Variants in TG observed in about 807,000 individuals in gnomAD.
TG encodes the protein thyroid hormones.
TG carries 270 observed loss-of-function variants against 324.7 expected under a neutral mutation model. That is an observed-to-expected ratio of 0.83 (90% CI 0.75 to 0.92). The LOEUF (loss-of-function observed/expected upper bound fraction) is 0.92. Ranked by LOEUF, TG falls within the 40% of genes least tolerant of loss-of-function variation. TG has a pLI of 0.00. For missense variants in TG, 3,591 were observed against 3,456.4 expected, an observed-to-expected ratio of 1.04 and a Z score of -0.98; for synonymous variants, 1,401 against 1,327.0, an observed-to-expected ratio of 1.06 and a Z score of -1.21.
rs146689495 is a variant in TG at position 132,922,004 on chromosome 8, T to G, written c.4529-1334T>G. On this transcript the variant is annotated intron_variant, in intron 21 of 47. Coordinates refer to ENST00000220616, the MANE Select transcript of TG (RefSeq NM_003235.5). ...GGAGAACCAAATGAAGGCATTCCCT[T>G]TTAATATCATTCATCCAAAATTTAT... Among the ~76,000 whole-genome samples the G allele has an allele frequency of 4.1e-3, 632 of 152,346 alleles. 4 individuals carry two copies. Among genetic ancestry groups the G allele is most frequent in the Middle Eastern group, 0.02 (6 of 294 alleles).
At chr8:133,015,026 T>A (rs1341246764) in intron 37 of TG, among the ~76,000 whole-genome samples, 1 of 152,168 alleles carries the variant, frequency 6.6e-6, no homozygotes, top group African/African-American at 2.4e-5. Flanking sequence ...GTGCATGCCA[T>A]GATGCCCAGC....
chr8:133,094,965 ATGTG>A, intron 41 of TG, 75 bp from the exon 42 acceptor site: 1 of 1,589,962 alleles, frequency 6.3e-7, no homozygotes, highest in Non-Finnish European at 8.6e-7. Context: ...CAGAACCCTG[ATGTG>A]GCACTGAGGA....
chr8:132,902,687 G>C (rs955204936), intron 16 of TG, among the ~76,000 whole-genome samples: 13 of 152,172 alleles, frequency 8.5e-5, no homozygotes, highest in African/African-American at 3.1e-4. Flanking sequence ...AGAAGTGAAG[G>C]GTCCACCTTA....
At chr8:132,966,168 G>A (rs1828531864) in intron 29 of TG, among the ~76,000 whole-genome samples, 1 of 152,158 alleles carries the variant, frequency 6.6e-6, no homozygotes, top group Non-Finnish European at 1.5e-5. Flanking sequence ...ATGATGGAGT[G>A]GGCTGCTGTG....
intron 41 of TG, chr8:133,040,237 G>C (rs1424925707): frequency 4.0e-6 from 5 of 1,258,598 alleles, no homozygotes; most frequent in South Asian, 1.4e-5. Flanking sequence ...TGCTGCCATG[G>C]GGAACTGGGC....
At chr8:132,884,400 CT>C (rs1815098547) in intron 8 of TG, among the ~76,000 whole-genome samples, 1 of 152,190 alleles carries the variant, frequency 6.6e-6, no homozygotes, top group African/African-American at 2.4e-5. Context: ...AGGCTTCCAA[CT>C]TGGGGAAGCT....
At chr8:133,124,814 A>G (rs545766591) in intron 45 of TG, among the ~76,000 whole-genome samples, 1 of 152,340 alleles carries the variant, frequency 6.6e-6, no homozygotes, top group Non-Finnish European at 1.5e-5. Context: ...CATTTTGTAC[A>G]CCACTACACT....
Position 132,971,682 on chromosome 8 carries a change from G to T in TG, c.5976-112G>T. ...AAAGCACCCCCAGTTTAAGTAGGGGGTAAAAAAATAAGCTAGTTCCCCAAA... is the reference window on the plus strand; with the variant it reads ...AAAGCACCCCCAGTTTAAGTAGGGGTTAAAAAAATAAGCTAGTTCCCCAAA... On this transcript the variant is annotated intron_variant, in intron 32 of 47. Coordinates refer to ENST00000220616, the MANE Select transcript of TG (RefSeq NM_003235.5). 6 of 765,818 alleles carry T rather than the reference G, an allele frequency of 7.8e-6. No homozygotes were observed. The South Asian group carries it at 8.5e-5, about 11-fold the overall frequency. The allele number at this position is 765,818 out of a possible 1,614,324, so 47.4% of individuals were successfully genotyped here.
rs780552109 is a variant in TG, at chr8:133,047,806, A to AAAGATGAG, written c.7239+17784_7239+17791dup. On this transcript the variant is annotated intron_variant, in intron 41 of 47. Coordinates refer to ENST00000220616, the MANE Select transcript of TG (RefSeq NM_003235.5). ...ACATGCTTGTCTGCCCCGGATGGGG[A>AAAGATGAG]AAGATGAGTTGGGGGCCACTCACCT... 6.0e-5 allele frequency: 78 copies of AAAGATGAG among 1,291,372 alleles called. 1 individual carries two copies. The Admixed American group carries it at 1.3e-3, about 21-fold the overall frequency. The allele number at this position is 1,291,372 out of a possible 1,614,324, so 80.0% of individuals were successfully genotyped here.
chr8:133,090,453 T>G (rs1028430345), intron 41 of TG, among the ~76,000 whole-genome samples: 1 of 152,224 alleles, frequency 6.6e-6, no homozygotes, highest in African/African-American at 2.4e-5. Flanking sequence ...TTGGCCCGTG[T>G]GTGGTACCAC....
chr8:132,995,225 A>G (rs1293203298), intron 35 of TG: 6 of 956,840 alleles, frequency 6.3e-6, no homozygotes, highest in Non-Finnish European at 7.5e-6. Flanking sequence ...AGAATTCACC[A>G]TGTTACCTAT....
At chr8:133,097,088 G>C (rs954778589) in intron 43 of TG, among the ~76,000 whole-genome samples, 1 of 152,246 alleles carries the variant, frequency 6.6e-6, no homozygotes, top group African/African-American at 2.4e-5. Context: ...AGCCCAGTGT[G>C]CATAAAGCAC....
At position 132,888,492 on chromosome 8, in the gene TG, T is replaced by C. The variant is rs1202410029; in HGVS notation, c.2685T>C (p.Leu895=). ...DFSTPLAHFD[L]RNCWCVDEAG... is the part of the protein sequence containing the mutation. ...GCACTCCTTTGGCACATTTTGATCT[T>C]CGGAACTGCTGGTGTGTGGATGAGG... Residue 895 remains leucine, a synonymous_variant, in exon 10 of 48, where the codon CTT becomes CTC. Coordinates refer to ENST00000220616, the MANE Select transcript of TG (RefSeq NM_003235.5). 6.2e-7 allele frequency: 1 copy of C among 1,610,110 alleles called. No homozygotes were observed.
chr8:133,108,299 T>G (rs1430284716), intron 43 of TG, among the ~76,000 whole-genome samples: 5 of 152,078 alleles, frequency 3.3e-5, no homozygotes, highest in African/African-American at 1.2e-4. Context: ...GGACCACTCC[T>G]TTATCTAGCA....
At chr8:132,930,027 T>C (rs572243282) in intron 23 of TG, among the ~76,000 whole-genome samples, 2 of 152,114 alleles carry the variant, frequency 1.3e-5, no homozygotes, top group Non-Finnish European at 2.9e-5. Context: ...TAGTCCCCAG[T>C]GTCTATTTTT....
chr8:133,038,020 A>G (rs1006199398), intron 41 of TG: 1 of 156,670 alleles, frequency 6.4e-6, no homozygotes, highest in African/African-American at 2.4e-5. Context: ...AAAGCATACC[A>G]GAAGTCCCTA....
At chr8:133,131,409 T>G (rs914265505) in intron 45 of TG, among the ~76,000 whole-genome samples, 4 of 152,250 alleles carry the variant, frequency 2.6e-5, no homozygotes, top group African/African-American at 4.8e-5. Flanking sequence ...CACAGGCTAG[T>G]GCGGAGAATG....
In TG at chr8:132,908,257, A is replaced by G. The variant is rs528428282; in HGVS notation, c.3919A>G (p.Ser1307Gly). Residue 1307 changes from serine (S) to glycine (G), a missense_variant, in exon 18 of 48, where the codon AGT becomes GGT. Transcript: ENST00000220616. The stretch of plus-strand genomic sequence containing the variant: ...CCAGCTCCCGCCGGGCAAGATGTGC[A>G]GTGCTGACTACGCGGATTTGCTGCA... ...QLQLPPGKMC[S>G]ADYADLLQTF... The G allele has an allele frequency of 1.2e-6, 2 of 1,614,020 alleles. No homozygotes were observed. The highest frequency in any genetic ancestry group is 1.7e-6 in the Non-Finnish European group (2 of 1,179,986).
At position 133,102,314 on chromosome 8, in the gene TG, C is replaced by T. The variant is rs75876934; in HGVS notation, c.7572+5941C>T. The T allele has an allele frequency of 1.8e-3, 850 of 460,340 alleles. 15 individuals are homozygous for T. The East Asian group carries it at 0.025, about 14-fold the overall frequency. The allele number at this position is 460,340 out of a possible 1,614,324, so 28.5% of individuals were successfully genotyped here. ...TATCAGCTGGATCCCAGTCCACAAA[C>T]ACATGCAGTGCAGCTTCCCAGGGAA... On this transcript the variant is annotated intron_variant, in intron 43 of 47. Coordinates refer to ENST00000220616, the MANE Select transcript of TG (RefSeq NM_003235.5).
Sources: gnomAD v4.1 joint callset for allele counts (sites outside exome capture counted in the v4.1 genomes callset) on GRCh38, gnomAD v4.1.1 for gene constraint, MANE v1.5 for transcripts, NCBI Gene and HGNC (gene_info 2026-07-23, HGNC 2026-07-21) for gene names.